Variants in STK33 observed in about 807,000 individuals in gnomAD.
The protein encoded by STK33 is serine/threonine kinase 33.
In STK33, 52 loss-of-function variants were observed where a neutral mutation model predicts 58.0. The ratio of observed to expected loss-of-function variants is 0.90; its 90% CI spans 0.72 to 1.13. The LOEUF (loss-of-function observed/expected upper bound fraction) is 1.13. STK33 is among the 50% of genes most tolerant of loss of function. The pLI is 0.00. For missense variants in STK33, 630 were observed against 604.2 expected (o/e 1.04, Z -0.45); for synonymous variants, 215 against 200.1 (o/e 1.07, Z -0.63).
intron 12 of STK33, among the ~76,000 whole-genome samples, chr11:8,438,733 T>C (rs1002414558): frequency 2.6e-5 from 4 of 152,192 alleles, no homozygotes; most frequent in South Asian, 4.1e-4. Context: ...ATGAATTGCA[T>C]AATATTAGAT....
chr11:8,580,258 A>G (rs1230247988), intron 1 of STK33, among the ~76,000 whole-genome samples: 1 of 152,224 alleles, frequency 6.6e-6, no homozygotes, highest in East Asian at 1.9e-4. Flanking sequence ...AATGTGGTAC[A>G]TATACACAAT....
intron 1 of STK33, among the ~76,000 whole-genome samples, chr11:8,521,643 A>G (rs890746907): frequency 6.6e-6 from 1 of 152,222 alleles, no homozygotes; most frequent in African/African-American, 2.4e-5. Flanking sequence ...AATTAAACTA[A>G]AGAGCTTCTG....
intron 1 of STK33, among the ~76,000 whole-genome samples, chr11:8,496,719 T>A (rs989789196): frequency 8.6e-5 from 13 of 151,906 alleles, no homozygotes; most frequent in Admixed American, 5.9e-4. Flanking sequence ...GGACTACAGG[T>A]GCCCACCACC....
intron 15 of STK33, among the ~76,000 whole-genome samples, chr11:8,397,840 C>T (rs1849638655): frequency 1.1e-5 from 1 of 92,092 alleles, no homozygotes; most frequent in Non-Finnish European, 2.1e-5. Context: ...CCGATTCGAT[C>T]AACTGGAAGA....
At chr11:8,491,046 T>C (rs1950571568) in intron 1 of STK33, among the ~76,000 whole-genome samples, 1 of 152,136 alleles carries the variant, frequency 6.6e-6, no homozygotes, top group Non-Finnish European at 1.5e-5. Context: ...CTCCAAAGGA[T>C]TGCAGCTCCT....
intron 7 of STK33, 108 bp from the exon 8 acceptor site, chr11:8,462,017 T>G: frequency 1.5e-6 from 1 of 687,462 alleles, no homozygotes; most frequent in South Asian, 2.7e-5. Context: ...AACTTCATAT[T>G]TGAAGTGAAT....
Position 8,440,696 on chromosome 11 carries a change from C to A in STK33, c.929G>T (p.Gly310Val). Reference sequence around the variant, plus strand: ...TACTTACAACATGTACATTACGACGCCTATGCTCCAAATGTCACACTGCTG... The same window carrying A: ...TACTTACAACATGTACATTACGACGACTATGCTCCAAATGTCACACTGCTG... ...YSQQCDIWSI[G>V]VVMYMLLRGE... Residue 310 changes from glycine to valine, a missense_variant, in exon 12 of 16, where the codon GGC becomes GTC. By Grantham distance (109) the Gly-to-Val change is moderately radical (BLOSUM62 -3). Coordinates refer to ENST00000687296, the MANE Select transcript of STK33 (RefSeq NM_001352389.2). 1 of 1,568,008 alleles carries A rather than the reference C, an allele frequency of 6.4e-7. No homozygotes were observed. Among genetic ancestry groups the A allele is most frequent in the Non-Finnish European group, 8.7e-7 (1 of 1,154,270 alleles).
chr11:8,361,658 G>A, the STK33 span, among the ~76,000 whole-genome samples: 1,572 of 152,320 alleles, frequency 0.01, 22 homozygotes, highest in African/African-American at 0.036. This position sits in a 1 kb window ranked among gnomAD's most constrained non-coding sequence, Gnocchi z 4.8. Flanking sequence ...TCAAAGCCTA[G>A]CTTGTCTCCT....
At chr11:8,388,376 G>A (rs1450523690), downstream of STK33, among the ~76,000 whole-genome samples, 1 of 152,246 alleles carries the variant, frequency 6.6e-6, no homozygotes, top group Non-Finnish European at 1.5e-5. Context: ...CAAGACAGCC[G>A]CAGATGCGGC....
chr11:8,515,380 C>G (rs1055272526), intron 1 of STK33, among the ~76,000 whole-genome samples: 2 of 152,056 alleles, frequency 1.3e-5, no homozygotes, highest in South Asian at 4.1e-4. Context: ...AAAGTCTAAA[C>G]AGATCTATAA....
At chr11:8,381,217 C>A in the STK33 span, among the ~76,000 whole-genome samples, 1 of 152,188 alleles carries the variant, frequency 6.6e-6, no homozygotes, top group Non-Finnish European at 1.5e-5. Flanking sequence ...CTGTACAATT[C>A]ATCCGTGTAA....
downstream of STK33, among the ~76,000 whole-genome samples, chr11:8,390,165 C>T (rs1848599793): frequency 6.6e-6 from 1 of 152,140 alleles, no homozygotes; most frequent in African/African-American, 2.4e-5. Flanking sequence ...GAATTTGTCC[C>T]CAGCTTGCCT....
the STK33 span, among the ~76,000 whole-genome samples, chr11:8,357,623 G>A: frequency 5.3e-5 from 8 of 152,322 alleles, no homozygotes; most frequent in South Asian, 8.3e-4. Flanking sequence ...AGGGGCAGGA[G>A]CCTGCTGCAG....
intron 1 of STK33, among the ~76,000 whole-genome samples, chr11:8,493,837 T>C (rs1283588997): frequency 6.6e-6 from 1 of 152,084 alleles, no homozygotes; most frequent in African/African-American, 2.4e-5. Context: ...ACAGAACCAA[T>C]GACAAAAACC....
At chr11:8,445,568 T>C (rs1484991263) in intron 11 of STK33, among the ~76,000 whole-genome samples, 2 of 152,184 alleles carry the variant, frequency 1.3e-5, no homozygotes, top group Non-Finnish European at 2.9e-5. Flanking sequence ...ATACCTAGTT[T>C]ATTGAGAGTT....
At chr11:8,553,225 G>A (rs1289990966) in intron 1 of STK33, among the ~76,000 whole-genome samples, 46 of 67,452 alleles carry the variant, frequency 6.8e-4, no homozygotes, top group South Asian at 2.3e-3. Flanking sequence ...ATATATATAT[G>A]GTGTGTATAT....
chr11:8,516,565 G>A lies in STK33; in HGVS notation c.-465-35951C>T, dbSNP rs1952802301. Among the ~76,000 whole-genome samples, 2 of 152,230 alleles carry A rather than the reference G, an allele frequency of 1.3e-5. 1 individual carries two copies. The highest frequency in any genetic ancestry group is 4.1e-4 in the South Asian group (2 of 4,830). Reference sequence around the variant, plus strand: ...TCACCCGGGAAGTGCAAGGGGCGGGGGAATTCCCTTTCCTGGCAAAGGGAA... The same window carrying A: ...TCACCCGGGAAGTGCAAGGGGCGGGAGAATTCCCTTTCCTGGCAAAGGGAA... On this transcript the variant is annotated intron_variant, in intron 1 of 15. Transcript: ENST00000687296.
At chr11:8,365,234 T>G in the STK33 span, among the ~76,000 whole-genome samples, 1 of 152,208 alleles carries the variant, frequency 6.6e-6, no homozygotes, top group Non-Finnish European at 1.5e-5. Flanking sequence ...GCTGTGGGGC[T>G]GGAATTGCCT....
At chr11:8,578,425 A>G (rs1958335991) in intron 1 of STK33, among the ~76,000 whole-genome samples, 1 of 152,052 alleles carries the variant, frequency 6.6e-6, no homozygotes, top group Admixed American at 6.6e-5. Flanking sequence ...CTATGCAGCA[A>G]TTTAAAAAAT....
Sources: allele counts gnomAD v4.1 joint callset (sites outside exome capture counted in the v4.1 genomes callset), GRCh38; gene constraint gnomAD v4.1.1; non-coding constraint Gnocchi (gnomAD v3.1); transcripts MANE v1.5; gene names NCBI Gene and HGNC (gene_info 2026-07-23, HGNC 2026-07-21).